ABHD12B: variants seen among roughly 807,000 people sequenced by gnomAD.
ABHD12B encodes protein ABHD12B.
A neutral mutation model predicts 50.4 loss-of-function variants in ABHD12B; 42 were observed. The observed-to-expected ratio is 0.83, with a 90% confidence interval of 0.65 to 1.08. The LOEUF (loss-of-function observed/expected upper bound fraction) is 1.08. Ranked by LOEUF, ABHD12B falls within the 50% of genes least tolerant of loss-of-function variation. The pLI is 0.00. For missense variants in ABHD12B, 479 were observed against 447.7 expected (o/e 1.07, Z -0.63); for synonymous variants, 167 against 160.3 (o/e 1.04, Z -0.32).
At chr14:50,876,863 T>C (rs2049870794) in intron 1 of ABHD12B, among the ~76,000 whole-genome samples, 1 of 152,156 alleles carries the variant, frequency 6.6e-6, no homozygotes, top group African/African-American at 2.4e-5. Context: ...TATTAAACAG[T>C]TTTAACAATG....
intron 3 of ABHD12B, among the ~76,000 whole-genome samples, chr14:50,879,895 G>A (rs2049915707): frequency 6.6e-6 from 1 of 152,154 alleles, no homozygotes; most frequent in South Asian, 2.1e-4. Flanking sequence ...ACATCCCATG[G>A]TGACATGTCA....
chr14:50,884,826 C>T (rs2142739208), intron 5 of ABHD12B, among the ~76,000 whole-genome samples: 1 of 151,508 alleles, frequency 6.6e-6, no homozygotes. Flanking sequence ...AGCGATTCTC[C>T]TGCCTCAGCC....
chr14:50,876,342 G>A (rs957272724), intron 1 of ABHD12B, among the ~76,000 whole-genome samples: 3 of 152,032 alleles, frequency 2.0e-5, no homozygotes, highest in Non-Finnish European at 2.9e-5. Context: ...TTCTCTCTTC[G>A]TGCCTCTTCC....
rs1474979955 is a variant in ABHD12B at position 50,886,663 on chromosome 14, G to A, written c.679G>A (p.Ala227Thr). 1.8e-5 allele frequency: 29 copies of A among 1,609,014 alleles called. No homozygotes were observed. The highest frequency in any genetic ancestry group is 2.4e-5 in the Non-Finnish European group (28 of 1,177,484). The change falls in exon 8 of 13, where the codon GCA becomes ACA. Residue 227 changes from alanine to threonine, a missense_variant. By Grantham distance (58) the Ala-to-Thr change is moderately conservative. Coordinates refer to ENST00000337334, the MANE Select transcript of ABHD12B (RefSeq NM_001206673.2). The part of the protein sequence containing the change: ...SLGTGVATNA[A>T]KVLEEKGCPV... ...GCTTTACAGAGTTGCAACAAATGCT[G>A]CAAAAGTGCTAGAAGAAAAAGGTAA...
Position 50,904,188 on chromosome 14 carries a change from G to T in ABHD12B, c.1057G>T (p.Val353Leu). 6.2e-7 allele frequency: 1 copy of T among 1,614,120 alleles called. No homozygotes were observed. Among genetic ancestry groups the T allele is most frequent in the Non-Finnish European group, 8.5e-7 (1 of 1,179,948 alleles). ...LCKSPTLLIT[V>L]RDFLSKQWS ...TAAAAGCCCCACACTGTTAATAACC[G>T]TGAGGTAAGAGTTGCTTTGCTAAAT... The change falls in exon 12 of 13, where the codon GTG (valine) becomes TTG (leucine). Residue 353 changes from valine to leucine, a missense_variant. Physicochemically the swap from Val to Leu is conservative, Grantham distance 32. Transcript: ENST00000337334.
rs1013016786 is a variant in ABHD12B, at chr14:50,872,211, G to A, written c.37G>A (p.Glu13Lys). 8.7e-6 allele frequency: 12 copies of A among 1,378,734 alleles called. No individual in the cohort carries two copies. In the African/African-American group the frequency reaches 1.5e-4, roughly 17 times the overall value. 85.4% of individuals were successfully genotyped at this position (1,378,734 alleles called of 1,614,324 possible). Residue 13 changes from glutamate to lysine, a missense_variant, in exon 1 of 13, where the codon GAG becomes AAG. By Grantham distance (56) the Glu-to-Lys change is moderately conservative. Transcript: ENST00000337334. ...GGACTGCCAGGCGGCCGCATCGCCC[G>A]AGCCGCCCGGGCCCCCAGCCCGTAG... The part of the protein sequence containing the change: ...AQDCQAAASP[E>K]PPGPPARSCV...
At chr14:50,895,531 A>G (rs2050186491) in intron 9 of ABHD12B, 1 of 152,102 alleles carries the variant, frequency 6.6e-6, no homozygotes, top group Non-Finnish European at 1.5e-5. Context: ...CTGGGACCCC[A>G]CTGAAAATCG....
At chr14:50,892,287 T>C in intron 9 of ABHD12B, 1 of 412,284 alleles carries the variant, frequency 2.4e-6, no homozygotes, top group Non-Finnish European at 3.3e-6. Flanking sequence ...ATTTGGTGTG[T>C]TTGATTTATT....
intron 9 of ABHD12B, among the ~76,000 whole-genome samples, chr14:50,899,986 C>G (rs1239524356): frequency 1.3e-5 from 2 of 151,838 alleles, no homozygotes; most frequent in African/African-American, 4.8e-5. Context: ...GCCTGTAATC[C>G]CAGCCCTTTG....
chr14:50,883,682 G>GT (rs1385008063), intron 5 of ABHD12B, among the ~76,000 whole-genome samples: 8 of 152,262 alleles, frequency 5.3e-5, no homozygotes, highest in African/African-American at 7.2e-5. Context: ...GTTAGGACGG[G>GT]TGGGGAAGGA....
At chr14:50,878,125 A>G in intron 2 of ABHD12B, 46 bp downstream of exon 2, 1 of 1,455,648 alleles carries the variant, frequency 6.9e-7, no homozygotes. Context: ...TTTTTCCCAA[A>G]TAAAGACCTC....
chr14:50,892,725 A>T (rs2050135928), intron 9 of ABHD12B: 1 of 354,644 alleles, frequency 2.8e-6, no homozygotes, highest in Non-Finnish European at 3.9e-6. Context: ...TTTAGATAGT[A>T]CTTAATACCA....
At position 50,904,510 on chromosome 14, in the gene ABHD12B, C is replaced by G; in HGVS notation, c.*144C>G. 1 of 1,008,668 alleles carries G rather than the reference C, an allele frequency of 9.9e-7. No individual in the cohort carries two copies. 62.5% of individuals were successfully genotyped at this position (1,008,668 alleles called of 1,614,324 possible). A position where few individuals can be genotyped will look rare whatever the true frequency, so the allele number is the denominator to read the frequency against. ...TACAAATCACTTGCCATTTTAACAA[C>G]AGAAAGTACGAATGTTAGGCAGTAT... On this transcript the variant is annotated 3_prime_UTR_variant, in exon 13 of 13. Coordinates refer to ENST00000337334, the MANE Select transcript of ABHD12B (RefSeq NM_001206673.2).
chr14:50,882,872 G>A (rs975428840), intron 5 of ABHD12B, among the ~76,000 whole-genome samples: 24 of 151,754 alleles, frequency 1.6e-4, no homozygotes, highest in Non-Finnish European at 1.9e-4. Flanking sequence ...TCAGGAGGCT[G>A]AGGTGAGAGG....
chr14:50,902,481 AAAAC>A lies in ABHD12B; in HGVS notation c.863+586_863+589del, dbSNP rs950767816. Among the ~76,000 whole-genome samples, 13 of 152,278 alleles carry A rather than the reference AAAAC, an allele frequency of 8.5e-5. No individual in the cohort carries two copies. The South Asian group carries it at 1.9e-3, about 22-fold the overall frequency. On this transcript the variant is annotated intron_variant, in intron 10 of 12. Coordinates refer to ENST00000337334, the MANE Select transcript of ABHD12B (RefSeq NM_001206673.2). ...CCTGTGTGACAGAGTGACATCCTGT[AAAAC>A]AAACAAACAAACAAAAAACCAGCCT...
chr14:50,876,863 T>G (rs2049870794), intron 1 of ABHD12B, among the ~76,000 whole-genome samples: 1 of 152,156 alleles, frequency 6.6e-6, no homozygotes, highest in Non-Finnish European at 1.5e-5. Context: ...TATTAAACAG[T>G]TTTAACAATG....
At chr14:50,876,555 A>G (rs1052320403) in intron 1 of ABHD12B, among the ~76,000 whole-genome samples, 1 of 152,174 alleles carries the variant, frequency 6.6e-6, no homozygotes, top group Non-Finnish European at 1.5e-5. Flanking sequence ...CTATGAGCAG[A>G]ATTTTGCCAG....
intron 9 of ABHD12B, chr14:50,892,634 T>C: frequency 1.0e-6 from 1 of 967,614 alleles, no homozygotes; most frequent in Non-Finnish European, 1.2e-6. Context: ...ATATGGTTTC[T>C]ATATTTTTAA....
intron 5 of ABHD12B, 139 bp from the exon 6 acceptor site, chr14:50,885,475 A>C: frequency 1.2e-6 from 1 of 807,924 alleles, no homozygotes; most frequent in Non-Finnish European, 2.0e-6. Flanking sequence ...TTCTGCAGTT[A>C]AAAAAAATAC....
Sources: gnomAD v4.1 joint callset for allele counts (sites outside exome capture counted in the v4.1 genomes callset) on GRCh38, gnomAD v4.1.1 for gene constraint, MANE v1.5 for transcripts, NCBI Gene and HGNC (gene_info 2026-07-23, HGNC 2026-07-21) for gene names.